PRKG1: variants seen among roughly 807,000 people sequenced by gnomAD.
The protein encoded by PRKG1 is cGMP-dependent protein kinase 1.
A neutral mutation model predicts 88.1 loss-of-function variants in PRKG1; 35 were observed. That is an observed-to-expected ratio of 0.40 (90% CI 0.30 to 0.53). The LOEUF is 0.53. Ranked by LOEUF, PRKG1 falls within the 20% of genes least tolerant of loss-of-function variation. PRKG1 has a pLI of 0.59. For synonymous variants in PRKG1, 303 were observed against 292.5 expected, an observed-to-expected ratio of 1.04 and a Z score of -0.37; for missense variants, 540 against 839.8, an observed-to-expected ratio of 0.64 and a Z score of 4.41.
At chr10:51,330,137 ATTTATTTATTTTTTATTTATTTT>A (rs1841698776) in intron 2 of PRKG1, among the ~76,000 whole-genome samples, 1 of 127,656 alleles carries the variant, frequency 7.8e-6, no homozygotes, top group African/African-American at 2.9e-5. Flanking sequence ...TTATTTATTT[ATTTATTTATTTTTTATTTATTTT>A]TTTTTTTTGA....
chr10:52,226,400 T>A (rs1840389742), intron 9 of PRKG1, among the ~76,000 whole-genome samples: 3 of 152,298 alleles, frequency 2.0e-5, no homozygotes, highest in Admixed American at 2.0e-4. Context: ...TCATAGTTTG[T>A]CCCTCACAGC....
chr10:51,308,684 C>G (rs139705249), intron 2 of PRKG1, among the ~76,000 whole-genome samples: 87 of 152,072 alleles, frequency 5.7e-4, no homozygotes, highest in Non-Finnish European at 8.1e-4. Flanking sequence ...AGAAATTGTT[C>G]AAGTAGGTTG....
chr10:51,732,568 G>A (rs1442029579), intron 3 of PRKG1, among the ~76,000 whole-genome samples: 7 of 152,120 alleles, frequency 4.6e-5, no homozygotes, highest in African/African-American at 7.2e-5. Flanking sequence ...TGGAATGCAT[G>A]ATCAAGTTCC....
chr10:50,991,328 C>CT lies in PRKG1; in HGVS notation c.-51_-50insT. ...CCGTCCCAGCCGCCGCCGCCGCCGC[C>CT]GCCGCCGCCGCCGCCCGAGAAAAAG... is the stretch of plus-strand genomic sequence containing the variant. On this transcript the variant is annotated 5_prime_UTR_variant, in exon 1 of 18. Transcript: ENST00000401604. The surrounding 1 kb of genome is among the most constrained non-coding windows in gnomAD (Gnocchi z 4.5). 3.4e-6 allele frequency: 5 copies of CT among 1,481,640 alleles called. No homozygotes were observed. The highest frequency in any genetic ancestry group is 5.6e-5 in the East Asian group (2 of 35,526). 91.8% of individuals were successfully genotyped at this position (1,481,640 alleles called of 1,614,324 possible).
chr10:51,138,786 G>A (rs752518069), intron 1 of PRKG1, among the ~76,000 whole-genome samples: 1 of 134,016 alleles, frequency 7.5e-6, no homozygotes, highest in Non-Finnish European at 1.5e-5. Flanking sequence ...AGGTTCAAAC[G>A]ATTCCCCTGC....
intron 4 of PRKG1, among the ~76,000 whole-genome samples, chr10:51,828,251 C>T (rs984830959): frequency 7.2e-5 from 11 of 151,928 alleles, no homozygotes; most frequent in East Asian, 1.9e-4. Context: ...TTTACCTTCA[C>T]GTATTATAGG....
At chr10:51,559,199 T>C (rs2132144904) in intron 3 of PRKG1, among the ~76,000 whole-genome samples, 2 of 152,162 alleles carry the variant, frequency 1.3e-5, no homozygotes, top group South Asian at 4.1e-4. Flanking sequence ...GGGGGACTTC[T>C]GCAAAACAGT....
At chr10:51,917,149 C>A (rs1286463982) in intron 5 of PRKG1, among the ~76,000 whole-genome samples, 1 of 151,892 alleles carries the variant, frequency 6.6e-6, no homozygotes, top group Non-Finnish European at 1.5e-5. Flanking sequence ...GAAACCCCAT[C>A]CCTACTAAAA....
At chr10:51,371,096 T>C (rs994570334) in intron 2 of PRKG1, among the ~76,000 whole-genome samples, 3 of 152,130 alleles carry the variant, frequency 2.0e-5, no homozygotes, top group African/African-American at 7.2e-5. Flanking sequence ...ACCATCCGTG[T>C]CCCAAAACAT....
intron 3 of PRKG1, among the ~76,000 whole-genome samples, chr10:51,711,947 T>C (rs892313102): frequency 1.3e-5 from 2 of 152,186 alleles, no homozygotes; most frequent in African/African-American, 2.4e-5. Context: ...AGGAAAAATA[T>C]ATTTTCCTCA....
chr10:51,355,660 A>C (rs1035130093), intron 2 of PRKG1, among the ~76,000 whole-genome samples: 10 of 152,056 alleles, frequency 6.6e-5, no homozygotes, highest in African/African-American at 2.4e-4. Flanking sequence ...ATGCCCACCC[A>C]GATTTTTTTT....
intron 2 of PRKG1, among the ~76,000 whole-genome samples, chr10:51,285,812 C>A (rs1413911826): frequency 1.3e-5 from 2 of 152,132 alleles, no homozygotes; most frequent in Admixed American, 6.5e-5. Flanking sequence ...CTGAAGCCGT[C>A]CCCCGCTTAT....
intron 5 of PRKG1, among the ~76,000 whole-genome samples, chr10:51,947,619 T>C (rs898492461): frequency 1.3e-5 from 2 of 152,108 alleles, no homozygotes; most frequent in African/African-American, 4.8e-5. Context: ...CCCCTCCTGC[T>C]GTTTGTTTTA....
At chr10:51,300,342 G>A (rs1840850194) in intron 2 of PRKG1, among the ~76,000 whole-genome samples, 1 of 152,158 alleles carries the variant, frequency 6.6e-6, no homozygotes, top group South Asian at 2.1e-4. Flanking sequence ...TTCTTGTGGA[G>A]TAATAGTATA....
chr10:51,241,977 T>TAA (rs567149844), intron 2 of PRKG1, among the ~76,000 whole-genome samples: 8 of 108,018 alleles, frequency 7.4e-5, no homozygotes, highest in South Asian at 5.6e-4. Context: ...GCTGGAACAA[T>TAA]AAAAAAAAAA....
chr10:51,721,231 A>C (rs1276764821), intron 3 of PRKG1, among the ~76,000 whole-genome samples: 1 of 145,948 alleles, frequency 6.9e-6, no homozygotes, highest in African/African-American at 2.8e-5. Context: ...AAAAAAAAAA[A>C]AGAAAAAAAA....
At chr10:51,239,660 G>A (rs768328825) in intron 2 of PRKG1, among the ~76,000 whole-genome samples, 8 of 152,130 alleles carry the variant, frequency 5.3e-5, no homozygotes, top group Non-Finnish European at 1.0e-4. Context: ...TGAAATTCTT[G>A]CATTATTTCT....
At position 52,120,175 on chromosome 10, in the gene PRKG1, C is replaced by G. The variant is rs528533581; in HGVS notation, c.936-13665C>G. The stretch of plus-strand genomic sequence containing the variant: ...CCCTCAGTAAGGACATTAATTCATT[C>G]ATGAGGGCAGAACTCTCATGACCAA... On this transcript the variant is annotated intron_variant, in intron 7 of 17. Transcript: ENST00000373980. Among the ~76,000 whole-genome samples the G allele has an allele frequency of 2.3e-4, 35 of 152,286 alleles. 1 individual carries two copies. The highest frequency in any genetic ancestry group is 4.2e-4 in the South Asian group (2 of 4,816).
chr10:51,529,676 G>C (rs986812303), intron 3 of PRKG1, among the ~76,000 whole-genome samples: 1 of 147,096 alleles, frequency 6.8e-6, no homozygotes, highest in East Asian at 2.0e-4. Flanking sequence ...TAGCAATACA[G>C]ACACACACAC....
Sources: allele counts gnomAD v4.1 joint callset (sites outside exome capture counted in the v4.1 genomes callset), GRCh38; gene constraint gnomAD v4.1.1; non-coding constraint Gnocchi (gnomAD v3.1); transcripts MANE v1.5; gene names NCBI Gene and HGNC (gene_info 2026-07-23, HGNC 2026-07-21).